Variants in CNTN6 observed in about 807,000 individuals in gnomAD.
CNTN6 encodes the protein contactin-6.
A neutral mutation model predicts 122.8 loss-of-function variants in CNTN6; 137 were observed. The observed-to-expected ratio is 1.12, with a 90% confidence interval of 0.97 to 1.29. The LOEUF is 1.29. CNTN6 is among the 50% of genes most tolerant of loss of function. The probability of loss-of-function intolerance (pLI) is 0.00; values close to 1 mark genes in which losing one functional copy is unlikely to be tolerated. For missense variants in CNTN6, 1,634 were observed against 1,223.4 expected (o/e 1.34, Z -5.01); for synonymous variants, 570 against 426.0 (o/e 1.34, Z -4.16).
chr3:1,377,198 A>G, intron 17 of CNTN6, 123 bp downstream of exon 17: 2 of 590,722 alleles, frequency 3.4e-6, no homozygotes, highest in Non-Finnish European at 5.7e-6. Context: ...GTATAAAAAT[A>G]CATCATCCTG....
Position 1,401,607 on chromosome 3 carries a change from C to G in CNTN6, c.2817+62C>G. On this transcript the variant is annotated intron_variant, in intron 21 of 22. Transcript: ENST00000446702. ...AGTTACTAAGGAATGAAACATGTGA[C>G]ACCCAAATGGAAAACAAATTGGATG... is the stretch of plus-strand genomic sequence containing the variant. The G allele has an allele frequency of 8.7e-6, 10 of 1,147,842 alleles. No individual in the cohort carries two copies. The South Asian group carries it at 1.4e-4, about 16-fold the overall frequency. 71.1% of individuals were successfully genotyped at this position (1,147,842 alleles called of 1,614,324 possible). A position where few individuals can be genotyped will look rare whatever the true frequency, so the allele number is the denominator to read the frequency against.
intron 1 of CNTN6, among the ~76,000 whole-genome samples, chr3:1,124,990 G>A (rs995196127): frequency 6.6e-6 from 1 of 151,896 alleles, no homozygotes; most frequent in Admixed American, 6.6e-5. Context: ...CAGTCACAAA[G>A]TAGTCATTTT....
intron 4 of CNTN6, among the ~76,000 whole-genome samples, chr3:1,232,685 G>A (rs11718005): frequency 0.089 from 13,589 of 152,240 alleles, 1,399 homozygotes; most frequent in East Asian, 0.48. Flanking sequence ...TCCAGACAGA[G>A]TGAAGAGTCC....
chr3:1,387,979 TG>T (rs1409550065), intron 20 of CNTN6, among the ~76,000 whole-genome samples: 13 of 151,666 alleles, frequency 8.6e-5, no homozygotes, highest in Admixed American at 1.3e-4. Context: ...GCAGCGAGGC[TG>T]GGGGAGGGGC....
chr3:1,136,377 C>A (rs1033582555), intron 1 of CNTN6, among the ~76,000 whole-genome samples: 1 of 152,022 alleles, frequency 6.6e-6, no homozygotes, highest in East Asian at 1.9e-4. Context: ...TTCTGTGAAG[C>A]GTTCACTGTT....
intron 10 of CNTN6, among the ~76,000 whole-genome samples, chr3:1,328,169 T>C (rs1452620972): frequency 6.6e-6 from 1 of 151,850 alleles, no homozygotes; most frequent in Admixed American, 6.6e-5. Context: ...TTAGCTTCCA[T>C]AGTAAACTTT....
intron 4 of CNTN6, among the ~76,000 whole-genome samples, chr3:1,230,560 C>T (rs6798321): frequency 6.6e-6 from 1 of 151,996 alleles, no homozygotes; most frequent in East Asian, 1.9e-4. Flanking sequence ...TTGTTCTTTT[C>T]TTTTCATGTC....
chr3:1,160,813 C>T (rs935624070), intron 2 of CNTN6, among the ~76,000 whole-genome samples: 2 of 151,966 alleles, frequency 1.3e-5, no homozygotes, highest in South Asian at 2.1e-4. Context: ...GGAGCTGACT[C>T]GTAGCAGCTC....
chr3:1,294,385 G>T (rs1200410838), intron 5 of CNTN6, among the ~76,000 whole-genome samples: 3 of 152,080 alleles, frequency 2.0e-5, no homozygotes, highest in Admixed American at 2.0e-4. Flanking sequence ...ACATACAAAT[G>T]ACAGCAGAAA....
At chr3:1,137,324 G>A (rs2092502964) in intron 1 of CNTN6, among the ~76,000 whole-genome samples, 1 of 152,170 alleles carries the variant, frequency 6.6e-6, no homozygotes, top group Admixed American at 6.5e-5. Flanking sequence ...TTTACCGCAT[G>A]GAAATATGGA....
chr3:1,179,031 A>G (rs1225689660), intron 2 of CNTN6, among the ~76,000 whole-genome samples: 2 of 152,154 alleles, frequency 1.3e-5, no homozygotes, highest in East Asian at 1.9e-4. Flanking sequence ...CACGGTGCCA[A>G]CATCTTCTGG....
intron 2 of CNTN6, among the ~76,000 whole-genome samples, chr3:1,151,069 C>T (rs1499104): frequency 0.25 from 37,642 of 151,904 alleles, 6,678 homozygotes; most frequent in African/African-American, 0.5. Flanking sequence ...TTTTCAGCCC[C>T]GTGAATCCCA....
intron 7 of CNTN6, among the ~76,000 whole-genome samples, chr3:1,315,034 T>C (rs1044101894): frequency 5.3e-5 from 8 of 151,882 alleles, no homozygotes; most frequent in African/African-American, 1.7e-4. Flanking sequence ...AAGTGTAAAA[T>C]TGGAGTTTAA....
intron 16 of CNTN6, among the ~76,000 whole-genome samples, chr3:1,376,619 G>GA (rs374320690): frequency 6.7e-6 from 1 of 150,170 alleles, no homozygotes; most frequent in Middle Eastern, 3.4e-3. Context: ...TTTGTTTATT[G>GA]AAAAAAAATA....
chr3:1,224,234 T>C (rs373979682), intron 3 of CNTN6, among the ~76,000 whole-genome samples: 3 of 151,354 alleles, frequency 2.0e-5, no homozygotes, highest in East Asian at 3.9e-4. Flanking sequence ...AGAAGTAGAG[T>C]GTAGAATGGA....
At chr3:1,135,107 A>T (rs1301538403) in intron 1 of CNTN6, among the ~76,000 whole-genome samples, 13 of 152,224 alleles carry the variant, frequency 8.5e-5, no homozygotes, top group Admixed American at 8.5e-4. Context: ...GCCTGATTTA[A>T]GGTTCTGCAA....
At chr3:1,387,739 G>C (rs914800424) in intron 20 of CNTN6, among the ~76,000 whole-genome samples, 3 of 152,124 alleles carry the variant, frequency 2.0e-5, no homozygotes, top group Non-Finnish European at 2.9e-5. Flanking sequence ...GCGAGGCATT[G>C]CCTCACTTGG....
At chr3:1,402,918 T>C in intron 22 of CNTN6, 1 of 195,344 alleles carries the variant, frequency 5.1e-6, no homozygotes, top group Non-Finnish European at 1.0e-5. Flanking sequence ...GTCACAACTT[T>C]CAAGTCCTCC....
intron 1 of CNTN6, among the ~76,000 whole-genome samples, chr3:1,102,068 G>A (rs1263596614): frequency 6.6e-6 from 1 of 152,148 alleles, no homozygotes; most frequent in African/African-American, 2.4e-5. Context: ...GATCAAATAA[G>A]ATATTTGGTG....
Sources: allele counts gnomAD v4.1 joint callset (sites outside exome capture counted in the v4.1 genomes callset), GRCh38; gene constraint gnomAD v4.1.1; transcripts MANE v1.5; gene names NCBI Gene and HGNC (gene_info 2026-07-23, HGNC 2026-07-21).